WDR41: variants seen among roughly 807,000 people sequenced by gnomAD.
The protein encoded by WDR41 is WD repeat-containing protein 41.
In WDR41, 63 loss-of-function variants were observed where a neutral mutation model predicts 69.3. The observed-to-expected ratio is 0.91, with a 90% CI of 0.74 to 1.12. The LOEUF (loss-of-function observed/expected upper bound fraction) is 1.12, where lower values mean the gene tolerates loss of function less well. Among genes scored for constraint, WDR41 ranks in the 50% most tolerant of loss-of-function variants. WDR41 has a pLI of 0.00. For missense variants in WDR41, 543 were observed against 534.5 expected, an observed-to-expected ratio of 1.02 and a Z score of -0.16; for synonymous variants, 185 against 192.1, an observed-to-expected ratio of 0.96 and a Z score of 0.31.
intron 1 of WDR41, among the ~76,000 whole-genome samples, chr5:77,556,411 C>T (rs116795182): frequency 0.32 from 48,046 of 151,600 alleles, 9,217 homozygotes; most frequent in African/African-American, 0.52. Flanking sequence ...GACTGACTGA[C>T]TGTTTGTTTG....
Position 77,441,739 on chromosome 5 carries a change from A to AACACACACAC in WDR41, c.698-752_698-743dup, listed in dbSNP as rs112452862. On this transcript the variant is annotated intron_variant, in intron 8 of 12. Coordinates refer to ENST00000296679, the MANE Select transcript of WDR41 (RefSeq NM_018268.4). ...GGCAATAGAGCGAGACTCAGTCTAA[A>AACACACACAC]ACACACACACACACACACAAATACA... Among the ~76,000 whole-genome samples the AACACACACAC allele has an allele frequency of 3.3e-5, 5 of 150,424 alleles. No individual in the cohort carries two copies. The East Asian group carries it at 7.8e-4, about 24-fold the overall frequency.
At chr5:77,614,547 C>G in intron 1 of WDR41, among the ~76,000 whole-genome samples, 1 of 147,208 alleles carries the variant, frequency 6.8e-6, no homozygotes, top group South Asian at 2.1e-4. Context: ...ATCGCAAGGA[C>G]GAAAAACCAA....
At chr5:77,534,016 CT>C (rs1742915305) in intron 1 of WDR41, among the ~76,000 whole-genome samples, 1 of 152,250 alleles carries the variant, frequency 6.6e-6, no homozygotes, top group East Asian at 1.9e-4. Flanking sequence ...AGGCATACTA[CT>C]GTTACAGCTA....
intron 1 of WDR41, among the ~76,000 whole-genome samples, chr5:77,586,940 G>T (rs1744051022): frequency 6.6e-6 from 1 of 151,190 alleles, no homozygotes; most frequent in South Asian, 2.1e-4. Flanking sequence ...GGATGGTCTC[G>T]ATCTCCTGAC....
chr5:77,470,296 A>C (rs1800520358), intron 2 of WDR41, among the ~76,000 whole-genome samples: 2 of 152,234 alleles, frequency 1.3e-5, no homozygotes, highest in Non-Finnish European at 2.9e-5. Flanking sequence ...CATGGAAAGG[A>C]ACAACCGATA....
intron 1 of WDR41, among the ~76,000 whole-genome samples, chr5:77,593,856 G>A (rs1744173045): frequency 1.3e-5 from 2 of 152,070 alleles, no homozygotes; most frequent in South Asian, 2.1e-4. Flanking sequence ...CTGCTAATTG[G>A]CATTCAAACA....
At chr5:77,471,808 T>C (rs1411255380) in intron 2 of WDR41, among the ~76,000 whole-genome samples, 2 of 151,746 alleles carry the variant, frequency 1.3e-5, no homozygotes, top group African/African-American at 2.4e-5. Flanking sequence ...CAAAAAAAAA[T>C]CCAGGACCAG....
At chr5:77,605,093 A>AC (rs1309641241) in intron 1 of WDR41, among the ~76,000 whole-genome samples, 1 of 152,112 alleles carries the variant, frequency 6.6e-6, no homozygotes, top group Non-Finnish European at 1.5e-5. Context: ...TAACCATTCT[A>AC]CCCTCTCCAA....
chr5:77,536,949 A>C (rs186214587), intron 1 of WDR41, among the ~76,000 whole-genome samples: 1 of 152,348 alleles, frequency 6.6e-6, no homozygotes, highest in East Asian at 1.9e-4. Flanking sequence ...GACAGGTTTT[A>C]ATTCCTGCCT....
chr5:77,433,335 A>C (rs1246674633), intron 12 of WDR41, 48 bp from the exon 13 acceptor site: 1 of 1,572,688 alleles, frequency 6.4e-7, no homozygotes, highest in Non-Finnish European at 8.7e-7. Flanking sequence ...AAAGCAGAGA[A>C]GTGTCTAATA....
At position 77,474,002 on chromosome 5, in the gene WDR41, A is replaced by G. The variant is rs371985462; in HGVS notation, c.168-9193T>C. On this transcript the variant is annotated intron_variant, in intron 2 of 12. Coordinates refer to ENST00000296679, the MANE Select transcript of WDR41 (RefSeq NM_018268.4). Reference sequence around the variant, plus strand: ...CATGCACACGTGTGTTTATTGCGGCACTGTTCACAATAGCAAAGACTTGGA... The same window carrying G: ...CATGCACACGTGTGTTTATTGCGGCGCTGTTCACAATAGCAAAGACTTGGA... Among the ~76,000 whole-genome samples the G allele has an allele frequency of 6.4e-3, 978 of 152,320 alleles. 7 individuals carry two copies. Among genetic ancestry groups the G allele is most frequent in the South Asian group, 0.012 (57 of 4,828 alleles).
chr5:77,502,915 C>T (rs1802042476), intron 1 of WDR41, among the ~76,000 whole-genome samples: 1 of 152,084 alleles, frequency 6.6e-6, no homozygotes, highest in Non-Finnish European at 1.5e-5. Context: ...CAAAAACATG[C>T]CAAATTGTAA....
In WDR41 at chr5:77,492,190, C is replaced by G. The variant is rs145275385; in HGVS notation, c.31G>C (p.Glu11Gln). 3 of 1,612,400 alleles carry G rather than the reference C, an allele frequency of 1.9e-6. No individual in the cohort carries two copies. In the African/African-American group the frequency reaches 4.0e-5, roughly 22 times the overall value. The stretch of plus-strand genomic sequence containing the variant: ...TTTACCTCGGCCAGTCCCTGCGGTT[C>G]TCGGCCTCCCCCGATCAGCCATCGC... MLRWLIGGGR[E>Q]PQGLAEKSPL... The change falls in exon 1 of 13, where the codon GAA becomes CAA. Residue 11 changes from glutamate to glutamine, a missense_variant. Physicochemically the swap from Glu to Gln is conservative, Grantham distance 29. Coordinates refer to ENST00000296679, the MANE Select transcript of WDR41 (RefSeq NM_018268.4).
chr5:77,433,182 A>T lies in WDR41; in HGVS notation c.1333T>A (p.Leu445Ile), dbSNP rs1296859771. ...ERESGLRSLR[L>I]FQKLEENGDL... is the part of the protein sequence containing the mutation. ...CCATTCTCCTCTAATTTTTGAAATA[A>T]TCTTAAACTGCGCAATCCAGATTCT... The change falls in exon 13 of 13, where the codon TTA becomes ATA. Residue 445 changes from leucine to isoleucine, a missense_variant. Leu to Ile is a conservative substitution (Grantham distance 5). Transcript: ENST00000296679. 2 of 1,613,550 alleles carry T rather than the reference A, an allele frequency of 1.2e-6. No individual in the cohort carries two copies. Among genetic ancestry groups the T allele is most frequent in the Non-Finnish European group, 1.7e-6 (2 of 1,179,700 alleles).
chr5:77,536,070 G>C (rs777467107), intron 1 of WDR41, among the ~76,000 whole-genome samples: 1 of 152,114 alleles, frequency 6.6e-6, no homozygotes, highest in African/African-American at 2.4e-5. Context: ...CCTTGGGAAT[G>C]CCACTAAAGA....
intron 1 of WDR41, among the ~76,000 whole-genome samples, chr5:77,592,751 T>G (rs1403793853): frequency 6.6e-6 from 1 of 152,174 alleles, no homozygotes; most frequent in Non-Finnish European, 1.5e-5. Flanking sequence ...AAAGTACTGC[T>G]AACATGAGAA....
At chr5:77,496,709 G>A (rs1317935760), upstream of WDR41, among the ~76,000 whole-genome samples, 2 of 152,078 alleles carry the variant, frequency 1.3e-5, no homozygotes, top group Non-Finnish European at 2.9e-5. Context: ...CAGATTCAAT[G>A]CAATCTCTAT....
chr5:77,476,042 C>T lies in WDR41; in HGVS notation c.168-11233G>A, dbSNP rs369360629. Among the ~76,000 whole-genome samples the T allele has an allele frequency of 2.7e-4, 41 of 151,862 alleles. 1 individual carries two copies. The highest frequency in any genetic ancestry group is 8.7e-4 in the African/African-American group (36 of 41,366). ...TGAAGAATGCAGAAGCCTCAGAAGC[C>T]GATGCGATCAACTGGAAGAAAGGGT... is the stretch of plus-strand genomic sequence containing the variant. On this transcript the variant is annotated intron_variant, in intron 2 of 12. Transcript: ENST00000296679.
intron 2 of WDR41, among the ~76,000 whole-genome samples, chr5:77,484,349 T>C (rs774357061): frequency 6.6e-6 from 1 of 152,200 alleles, no homozygotes; most frequent in East Asian, 1.9e-4. Flanking sequence ...CAGGGCACGA[T>C]GCAAAACAAC....
Sources: gnomAD v4.1 joint callset for allele counts (sites outside exome capture counted in the v4.1 genomes callset) on GRCh38, gnomAD v4.1.1 for gene constraint, MANE v1.5 for transcripts, NCBI Gene and HGNC (gene_info 2026-07-23, HGNC 2026-07-21) for gene names.